The following DLG2 variants were observed in gnomAD, a reference collection of about 807,000 sequenced individuals.
DLG2 encodes discs large MAGUK scaffold protein 2.
In DLG2, 45 loss-of-function variants were observed where a neutral mutation model predicts 132.5. The ratio of observed to expected loss-of-function variants is 0.34; its 90% CI spans 0.27 to 0.44. The LOEUF is 0.44. Ranked by LOEUF, DLG2 falls within the 20% of genes least tolerant of loss-of-function variation. The pLI is 1.00. For synonymous variants in DLG2, 424 were observed against 419.6 expected, an observed-to-expected ratio of 1.01 and a Z score of -0.13; for missense variants, 1,045 against 1,196.9, an observed-to-expected ratio of 0.87 and a Z score of 1.87.
intron 6 of DLG2, among the ~76,000 whole-genome samples, chr11:84,566,239 A>T (rs2099454981): frequency 6.6e-6 from 1 of 152,132 alleles, no homozygotes; most frequent in African/African-American, 2.4e-5. Context: ...CTGAGATTAC[A>T]GGCATGAGAC....
chr11:84,382,686 A>G (rs2098753011), intron 7 of DLG2, among the ~76,000 whole-genome samples: 1 of 152,126 alleles, frequency 6.6e-6, no homozygotes, highest in South Asian at 2.1e-4. Flanking sequence ...ACATTTACAG[A>G]AATCTCAGTG....
Position 83,885,814 on chromosome 11 carries a change from A to C in DLG2, c.1497-11326T>G, listed in dbSNP as rs1046237744. On this transcript the variant is annotated intron_variant, in intron 15 of 27. Transcript: ENST00000376104. Reference sequence around the variant, plus strand: ...ATATTCAACTTTCTTAAAGAAAAGAATTTTCAACCCAGAATTTCATATCCA... The same window carrying C: ...ATATTCAACTTTCTTAAAGAAAAGACTTTTCAACCCAGAATTTCATATCCA... Among the ~76,000 whole-genome samples, 170 of 152,324 alleles carry C rather than the reference A, an allele frequency of 1.1e-3. 1 individual carries two copies. Among genetic ancestry groups the C allele is most frequent in the African/African-American group, 4.0e-3 (166 of 41,558 alleles).
rs1555133618 is a variant in DLG2, at chr11:83,510,830, G to GCTT, written c.2193+21877_2193+21878insAAG. On this transcript the variant is annotated intron_variant, in intron 21 of 27. Coordinates refer to ENST00000376104, the MANE Select transcript of DLG2 (RefSeq NM_001142699.3). ...TGGCTCAAAAGTTTCTGAACCATCCGTTTTTTTTTTTTTTTTTTTTTGGAA... is the reference window on the plus strand; with the variant it reads ...TGGCTCAAAAGTTTCTGAACCATCCGCTTTTTTTTTTTTTTTTTTTTTTTGGAA... Among the ~76,000 whole-genome samples, 116 of 88,784 alleles carry GCTT rather than the reference G, an allele frequency of 1.3e-3. 2 individuals are homozygous for GCTT. The highest frequency in any genetic ancestry group is 2.1e-3 in the Non-Finnish European group (102 of 48,270). The allele number at this position is 88,784 out of a possible 152,430, so 58.2% of individuals were successfully genotyped here.
rs575201743 is a variant in DLG2, at chr11:85,228,984, T to C, written c.186+56236A>G. On this transcript the variant is annotated intron_variant, in intron 4 of 27. Transcript: ENST00000376104. ...TTTTTATTGGCTATTTTCCTATACC[T>C]TTTTTTGTATTTTTAGTGTTTATTT... 1.0e-3 allele frequency among the ~76,000 whole-genome samples: 154 copies of C among 151,620 alleles called. 1 individual carries two copies. Among genetic ancestry groups the C allele is most frequent in the Admixed American group, 1.1e-3 (16 of 15,178 alleles).
In DLG2 at chr11:83,510,989, G is replaced by A. The variant is rs141797215; in HGVS notation, c.2193+21719C>T. On this transcript the variant is annotated intron_variant, in intron 21 of 27. Coordinates refer to ENST00000376104, the MANE Select transcript of DLG2 (RefSeq NM_001142699.3). ...TGAAGATACATAAACACACTTCAAG[G>A]AAATAAAACACCGCAAACTGCCCTC... Among the ~76,000 whole-genome samples, 130 of 136,324 alleles carry A rather than the reference G, an allele frequency of 9.5e-4. 2 individuals carry two copies. The highest frequency in any genetic ancestry group is 3.6e-3 in the African/African-American group (129 of 35,638). 89.4% of individuals were successfully genotyped at this position (136,324 alleles called of 152,430 possible).
At chr11:84,560,061 G>A (rs2099421808) in intron 6 of DLG2, among the ~76,000 whole-genome samples, 1 of 151,990 alleles carries the variant, frequency 6.6e-6, no homozygotes, top group Non-Finnish European at 1.5e-5. Flanking sequence ...GAAATCACAG[G>A]AATAAATTCA....
At chr11:84,828,277 T>C (rs1425243270) in intron 6 of DLG2, among the ~76,000 whole-genome samples, 1 of 151,816 alleles carries the variant, frequency 6.6e-6, no homozygotes, top group Non-Finnish European at 1.5e-5. Flanking sequence ...AGTGAGGAAT[T>C]TTGTAACTTT....
chr11:85,412,239 G>C (rs554886590), intron 3 of DLG2, among the ~76,000 whole-genome samples: 1 of 151,864 alleles, frequency 6.6e-6, no homozygotes, highest in South Asian at 2.1e-4. Flanking sequence ...TCTTCTGTTT[G>C]ATAAAATAAG....
intron 3 of DLG2, among the ~76,000 whole-genome samples, chr11:85,387,381 T>C (rs2086430756): frequency 6.6e-6 from 1 of 152,208 alleles, no homozygotes; most frequent in African/African-American, 2.4e-5. Flanking sequence ...GTAATAATTT[T>C]AGACTAAAGG....
chr11:83,958,792 A>T (rs913418090), intron 14 of DLG2, among the ~76,000 whole-genome samples: 1 of 152,112 alleles, frequency 6.6e-6, no homozygotes, highest in Non-Finnish European at 1.5e-5. Context: ...GATTGAAGAT[A>T]GTTTTTCATA....
At chr11:84,565,959 A>AG (rs2099452819) in intron 6 of DLG2, among the ~76,000 whole-genome samples, 2 of 126,912 alleles carry the variant, frequency 1.6e-5, no homozygotes, top group African/African-American at 6.3e-5. Flanking sequence ...CATATGATGA[A>AG]GTTTTTTTTT....
At chr11:84,163,622 C>T (rs2095597254) in intron 8 of DLG2, 111 bp from the exon 9 acceptor site, 2 of 822,162 alleles carry the variant, frequency 2.4e-6, no homozygotes, top group Non-Finnish European at 3.8e-6. Context: ...CTATAAATAA[C>T]CACATTTTCT....
rs145691365 is a variant in DLG2, at chr11:83,534,122, G to A, written c.2118-1339C>T. Reference sequence around the variant, plus strand: ...CTAAATATTTCCTTGATTCTTCTGAGCCCCTCCAGTCAGACATGATTGCTC... The same window carrying A: ...CTAAATATTTCCTTGATTCTTCTGAACCCCTCCAGTCAGACATGATTGCTC... On this transcript the variant is annotated intron_variant, in intron 20 of 27. Transcript: ENST00000376104. Among the ~76,000 whole-genome samples the A allele has an allele frequency of 2.8e-3, 429 of 152,284 alleles. 3 individuals carry two copies. Among genetic ancestry groups the A allele is most frequent in the African/African-American group, 9.6e-3 (400 of 41,554 alleles).
rs1481476923 is a variant in DLG2, at chr11:85,158,558, A to G, written c.187-3907T>C. ...ATAGATTTGTGAGGGCAGCACCTGC[A>G]TCTTTGAAGGGCCCTGTAATTGTTC... On this transcript the variant is annotated intron_variant, in intron 4 of 27. Transcript: ENST00000376104. Among the ~76,000 whole-genome samples, 5 of 152,190 alleles carry G rather than the reference A, an allele frequency of 3.3e-5. No homozygotes were observed. The East Asian group carries it at 5.8e-4, about 18-fold the overall frequency.
chr11:83,802,633 T>C (rs1389933238), intron 17 of DLG2, among the ~76,000 whole-genome samples: 2 of 152,166 alleles, frequency 1.3e-5, no homozygotes, highest in Non-Finnish European at 2.9e-5. Flanking sequence ...ATAAATTGAT[T>C]AAATAGATAA....
intron 8 of DLG2, among the ~76,000 whole-genome samples, chr11:84,220,118 C>A (rs2096893265): frequency 6.6e-6 from 1 of 152,166 alleles, no homozygotes; most frequent in Non-Finnish European, 1.5e-5. Flanking sequence ...TCCTTAGTGT[C>A]TCTCTTTATT....
At chr11:84,093,393 C>G (rs1011660958) in intron 10 of DLG2, among the ~76,000 whole-genome samples, 2 of 152,148 alleles carry the variant, frequency 1.3e-5, no homozygotes, top group African/African-American at 2.4e-5. Flanking sequence ...CATTTTCAAT[C>G]CAGCAACAAC....
intron 6 of DLG2, among the ~76,000 whole-genome samples, chr11:84,544,613 T>C (rs535551330): frequency 1.1e-4 from 16 of 152,350 alleles, no homozygotes; most frequent in Admixed American, 6.5e-4. Flanking sequence ...ATCTTGGTTA[T>C]ACTACTTGCT....
chr11:84,684,315 G>A (rs574626529), intron 6 of DLG2, among the ~76,000 whole-genome samples: 1 of 152,162 alleles, frequency 6.6e-6, no homozygotes, highest in Admixed American at 6.5e-5. Flanking sequence ...TCTGCACCCA[G>A]CTTGCTCCCC....
Sources: gnomAD v4.1 joint callset for allele counts (sites outside exome capture counted in the v4.1 genomes callset) on GRCh38, gnomAD v4.1.1 for gene constraint, MANE v1.5 for transcripts, NCBI Gene and HGNC (gene_info 2026-07-23, HGNC 2026-07-21) for gene names.